Variants in VTI1A observed in about 807,000 individuals in gnomAD.
VTI1A encodes vesicle transport through interaction with t-SNAREs homolog 1A.
VTI1A carries 22 observed loss-of-function variants against 34.9 expected under a neutral mutation model. That is an observed-to-expected ratio of 0.63 (90% CI 0.45 to 0.90). The LOEUF (loss-of-function observed/expected upper bound fraction) is 0.90. VTI1A is among the 40% of genes least tolerant of loss of function. The pLI, the probability that VTI1A is intolerant of heterozygous loss-of-function variation, is 0.00. For missense variants in VTI1A, 268 were observed against 275.6 expected, an observed-to-expected ratio of 0.97 and a Z score of 0.20; for synonymous variants, 87 against 97.3, an observed-to-expected ratio of 0.89 and a Z score of 0.62.
At chr10:112,682,466 A>G (rs1848249829) in intron 7 of VTI1A, among the ~76,000 whole-genome samples, 1 of 152,210 alleles carries the variant, frequency 6.6e-6, no homozygotes, top group South Asian at 2.1e-4. Context: ...GTGGGCAACT[A>G]TTTAATAAAA....
chr10:112,713,607 C>A (rs1472335154), intron 7 of VTI1A, among the ~76,000 whole-genome samples: 2 of 152,160 alleles, frequency 1.3e-5, no homozygotes, highest in Non-Finnish European at 2.9e-5. Flanking sequence ...ATCTCCTTGT[C>A]TGACACCTGA....
chr10:112,580,946 C>T (rs1843904019), intron 5 of VTI1A, among the ~76,000 whole-genome samples: 1 of 152,112 alleles, frequency 6.6e-6, no homozygotes, highest in Non-Finnish European at 1.5e-5. Flanking sequence ...GCCTGATAGT[C>T]CATAGCAATA....
At chr10:112,464,448 C>A in intron 2 of VTI1A, 99 bp from the exon 3 acceptor site, 1 of 1,075,558 alleles carries the variant, frequency 9.3e-7, no homozygotes, top group Non-Finnish European at 1.4e-6. Flanking sequence ...GCCTCAACTA[C>A]AAAATGAGGA....
chr10:112,574,227 G>A (rs1016857255), intron 5 of VTI1A, among the ~76,000 whole-genome samples: 7 of 152,184 alleles, frequency 4.6e-5, no homozygotes, highest in African/African-American at 1.4e-4. Context: ...CTATAAAGGG[G>A]ACAGGGAGAA....
rs3057340 is a variant in VTI1A at position 112,589,018 on chromosome 10, CTTTTT to C, written c.427+50706_427+50710del. Among the ~76,000 whole-genome samples, 19 of 129,238 alleles carry C rather than the reference CTTTTT, an allele frequency of 1.5e-4. 1 individual carries two copies. The highest frequency in any genetic ancestry group is 1.3e-4 in the Non-Finnish European group (8 of 61,232). 84.8% of individuals were successfully genotyped at this position (129,238 alleles called of 152,430 possible). ...ATATTTCAACACTTTGACTCCTTGT[CTTTTT>C]TTTTTTTTTTTTTTTTTAACTTACA... On this transcript the variant is annotated intron_variant, in intron 5 of 7. Coordinates refer to ENST00000393077, the MANE Select transcript of VTI1A (RefSeq NM_145206.4).
In VTI1A at chr10:112,518,690, T is replaced by C. The variant is rs1849899797; in HGVS notation, c.265-8397T>C. Among the ~76,000 whole-genome samples the C allele has an allele frequency of 4.0e-5, 6 of 150,206 alleles. 1 individual carries two copies. In the Admixed American group the frequency reaches 4.0e-4, roughly 10 times the overall value. On this transcript the variant is annotated intron_variant, in intron 3 of 7. Coordinates refer to ENST00000393077, the MANE Select transcript of VTI1A (RefSeq NM_145206.4). Reference sequence around the variant, plus strand: ...ATATACACACACACACACATAACTTTTTAAAATGTGTAAAGCTGGGATACA... The same window carrying C: ...ATATACACACACACACACATAACTTCTTAAAATGTGTAAAGCTGGGATACA...
chr10:112,624,735 G>A (rs1355583732), intron 5 of VTI1A, among the ~76,000 whole-genome samples: 4 of 152,178 alleles, frequency 2.6e-5, no homozygotes, highest in Admixed American at 6.5e-5. Flanking sequence ...GGCAGTTTCC[G>A]ATATGTTTTC....
chr10:112,774,887 G>C (rs1482050246), intron 7 of VTI1A, among the ~76,000 whole-genome samples: 1 of 152,156 alleles, frequency 6.6e-6, no homozygotes, highest in African/African-American at 2.4e-5. Flanking sequence ...GGGGATTGCT[G>C]TGCCCTTTTG....
Position 112,544,559 on chromosome 10 carries a change from C to T in VTI1A, c.427+6229C>T, listed in dbSNP as rs553545729. On this transcript the variant is annotated intron_variant, in intron 5 of 7. Transcript: ENST00000393077. ...GACCATTTTGGATAGCAGTAAACGA[C>T]GCGAGGTATTCAAGAGTAACGGCAC... Among the ~76,000 whole-genome samples the T allele has an allele frequency of 4.6e-5, 7 of 151,700 alleles. No homozygotes were observed. The East Asian group carries it at 1.2e-3, about 25-fold the overall frequency.
intron 3 of VTI1A, among the ~76,000 whole-genome samples, chr10:112,474,898 G>C (rs891020340): frequency 6.6e-6 from 1 of 152,304 alleles, no homozygotes; most frequent in South Asian, 2.1e-4. Context: ...TTCTCACAGA[G>C]CTCCCATTAA....
At chr10:112,580,609 C>T (rs1300947255) in intron 5 of VTI1A, among the ~76,000 whole-genome samples, 1 of 152,116 alleles carries the variant, frequency 6.6e-6, no homozygotes, top group Non-Finnish European at 1.5e-5. Context: ...TGAGAACTAG[C>T]AGACTAGGAG....
At chr10:112,545,162 A>G (rs1356116918) in intron 5 of VTI1A, among the ~76,000 whole-genome samples, 1 of 152,258 alleles carries the variant, frequency 6.6e-6, no homozygotes, top group Non-Finnish European at 1.5e-5. Context: ...AGCTGGCTTA[A>G]AAGGCATTTT....
At chr10:112,731,684 T>C (rs1850268892) in intron 7 of VTI1A, among the ~76,000 whole-genome samples, 1 of 152,210 alleles carries the variant, frequency 6.6e-6, no homozygotes, top group African/African-American at 2.4e-5. Flanking sequence ...TTGCATAGAA[T>C]GAAATGAAAT....
chr10:112,796,037 T>C (rs1032681899), intron 7 of VTI1A, among the ~76,000 whole-genome samples: 4 of 152,102 alleles, frequency 2.6e-5, no homozygotes, highest in Admixed American at 6.5e-5. Flanking sequence ...CCTTGTGTTC[T>C]GATTATAAAA....
At chr10:112,734,842 A>G (rs927450723) in intron 7 of VTI1A, among the ~76,000 whole-genome samples, 9 of 151,828 alleles carry the variant, frequency 5.9e-5, no homozygotes, top group Non-Finnish European at 1.3e-4. Context: ...TTTGGTAGAG[A>G]TGGGGTCTCA....
chr10:112,635,578 G>A (rs1242607131), intron 5 of VTI1A, among the ~76,000 whole-genome samples: 1 of 152,168 alleles, frequency 6.6e-6, no homozygotes, highest in Non-Finnish European at 1.5e-5. Context: ...TCAAACAATC[G>A]AGACGTACTG....
intron 7 of VTI1A, among the ~76,000 whole-genome samples, chr10:112,803,442 G>T (rs896028492): frequency 3.3e-5 from 5 of 152,226 alleles, no homozygotes; most frequent in Non-Finnish European, 7.3e-5. Context: ...GATTTGAGTT[G>T]CCGTCAGGTA....
chr10:112,792,615 A>T (rs1465835360), intron 7 of VTI1A, among the ~76,000 whole-genome samples: 1 of 152,190 alleles, frequency 6.6e-6, no homozygotes, highest in Non-Finnish European at 1.5e-5. Context: ...TTCCTTCCCC[A>T]GAACTCTTCA....
rs760832138 is a variant in VTI1A, at chr10:112,767,169, C to T, written c.561-48121C>T. Among the ~76,000 whole-genome samples, 2 of 152,174 alleles carry T rather than the reference C, an allele frequency of 1.3e-5. No individual in the cohort carries two copies. Among genetic ancestry groups the T allele is most frequent in the African/African-American group, 2.4e-5 (1 of 41,440 alleles). On this transcript the variant is annotated intron_variant, in intron 7 of 7. Coordinates refer to ENST00000393077, the MANE Select transcript of VTI1A (RefSeq NM_145206.4). This position sits in a 1 kb window ranked among gnomAD's most constrained non-coding sequence, Gnocchi z 4.0. ...AGTAATAGCTAGCATTTATTGAGTG[C>T]CTTACTGTGTGTCAGGTACTGTGCT...
Sources: allele counts gnomAD v4.1 joint callset (sites outside exome capture counted in the v4.1 genomes callset), GRCh38; gene constraint gnomAD v4.1.1; non-coding constraint Gnocchi (gnomAD v3.1); transcripts MANE v1.5; gene names NCBI Gene and HGNC (gene_info 2026-07-23, HGNC 2026-07-21).